Variants in COA8 observed in about 807,000 individuals in gnomAD.
COA8 encodes cytochrome c oxidase assembly factor 8.
COA8 carries 20 observed loss-of-function variants against 22.0 expected under a neutral mutation model. The observed-to-expected ratio is 0.91, with a 90% CI of 0.64 to 1.32. The LOEUF (loss-of-function observed/expected upper bound fraction) is 1.32. COA8 is among the 40% of genes most tolerant of loss of function. The pLI is 0.00. For synonymous variants in COA8, 105 were observed against 79.9 expected (o/e 1.31, Z -1.68); for missense variants, 266 against 230.0 (o/e 1.16, Z -1.01).
In COA8 at chr14:103,574,078, C is replaced by CTTTT. The variant is rs11337243; in HGVS notation, c.322-7_322-4dup. The CTTTT allele has an allele frequency of 3.0e-3, 3,060 of 1,010,360 alleles. 4 individuals are homozygous for CTTTT. The highest frequency in any genetic ancestry group is 4.8e-3 in the Middle Eastern group (12 of 2,512). 62.6% of individuals were successfully genotyped at this position (1,010,360 alleles called of 1,614,324 possible). On this transcript the variant is annotated intron_variant, in intron 2 of 4. Transcript: ENST00000409074. ...AGACAGAGAAAGGAGTTCTGAGAGC[C>CTTTT]TTTTTTTTTTTTTTTTTTTTTTTTT...
intron 1 of COA8, 131 bp downstream of exon 1, chr14:103,563,255 C>T (rs1436425052): frequency 3.2e-6 from 4 of 1,246,324 alleles, no homozygotes; most frequent in East Asian, 5.1e-5. Context: ...CGTCCTATCC[C>T]GAACAGTCCC....
At chr14:103,563,152 C>G in intron 1 of COA8, 28 bp downstream of exon 1, 1 of 1,539,514 alleles carries the variant, frequency 6.5e-7, no homozygotes, top group Non-Finnish European at 8.7e-7. Context: ...GACATTGGGC[C>G]GGGAGGGGTG....
At chr14:103,563,455 G>A (rs2296483) in intron 1 of COA8, 248,069 of 435,252 alleles carry the variant, frequency 0.57, 72,796 homozygotes, top group Non-Finnish European at 0.63. Flanking sequence ...CTTACCGTGC[G>A]TTTTTTTTCG....
At chr14:103,571,506 C>A in intron 1 of COA8, 117 bp from the exon 2 acceptor site, 2 of 1,032,970 alleles carry the variant, frequency 1.9e-6, no homozygotes, top group Non-Finnish European at 2.8e-6. Context: ...CCACTACACT[C>A]CAGTCTGGCA....
intron 3 of COA8, among the ~76,000 whole-genome samples, chr14:103,583,788 G>A (rs1456916777): frequency 1.3e-5 from 2 of 152,138 alleles, no homozygotes; most frequent in African/African-American, 2.4e-5. Context: ...ATCCTTTGCC[G>A]GTTGCCAGTC....
At chr14:103,564,813 T>C (rs2076124346) in intron 1 of COA8, among the ~76,000 whole-genome samples, 2 of 152,080 alleles carry the variant, frequency 1.3e-5, no homozygotes, top group Admixed American at 6.6e-5. Flanking sequence ...ACTCCTGACC[T>C]CAAGTGATGC....
chr14:103,588,939 G>A (rs2076330800), intron 4 of COA8, among the ~76,000 whole-genome samples: 1 of 152,212 alleles, frequency 6.6e-6, no homozygotes, highest in Admixed American at 6.5e-5. Flanking sequence ...CCATTTCTAA[G>A]GTTGTCATGT....
At chr14:103,574,466 A>C in intron 3 of COA8, 1 of 564,452 alleles carries the variant, frequency 1.8e-6, no homozygotes, top group Non-Finnish European at 3.4e-6. Flanking sequence ...TCTCCCTCCA[A>C]AGCAGCTTTT....
chr14:103,568,023 G>A (rs2076147671), intron 1 of COA8, among the ~76,000 whole-genome samples: 1 of 152,112 alleles, frequency 6.6e-6, no homozygotes, highest in African/African-American at 2.4e-5. Flanking sequence ...GTAGAATAGG[G>A]GGCTGGGGAC....
chr14:103,567,441 T>G (rs1484824803), intron 1 of COA8: 2 of 152,006 alleles, frequency 1.3e-5, no homozygotes, highest in Non-Finnish European at 2.9e-5. Flanking sequence ...CCAATGAGAT[T>G]TATCTGAGGT....
chr14:103,573,424 G>T lies in COA8; in HGVS notation c.322-683G>T, dbSNP rs141673086. The stretch of plus-strand genomic sequence containing the variant: ...ACCTTCAGGTGATTCGCCTGCCTTG[G>T]CCTCCCAAAGTGCTGGGATTACAGG... On this transcript the variant is annotated intron_variant, in intron 2 of 4. Coordinates refer to ENST00000409074, the MANE Select transcript of COA8 (RefSeq NM_001370595.2). 6.9e-3 allele frequency among the ~76,000 whole-genome samples: 1,057 copies of T among 152,156 alleles called. 15 individuals carry two copies. Among genetic ancestry groups the T allele is most frequent in the African/African-American group, 0.024 (1,003 of 41,524 alleles).
In COA8 at chr14:103,573,315, G is replaced by A. The variant is rs55967910; in HGVS notation, c.322-792G>A. On this transcript the variant is annotated intron_variant, in intron 2 of 4. Coordinates refer to ENST00000409074, the MANE Select transcript of COA8 (RefSeq NM_001370595.2). ...CTCCCAAGTAGCTGGGATTACAGGC[G>A]CCCGCCACCACACCCGGCTAATTTT... is the stretch of plus-strand genomic sequence containing the variant. Among the ~76,000 whole-genome samples the A allele has an allele frequency of 9.0e-3, 1,361 of 151,606 alleles. 24 individuals carry two copies. Among genetic ancestry groups the A allele is most frequent in the African/African-American group, 0.032 (1,314 of 41,340 alleles).
At chr14:103,576,977 A>G (rs1174970092) in intron 3 of COA8, among the ~76,000 whole-genome samples, 1 of 152,240 alleles carries the variant, frequency 6.6e-6, no homozygotes, top group East Asian at 1.9e-4. Context: ...ACTTCAGGAA[A>G]AGCTGCCACA....
chr14:103,586,028 G>C (rs867622545), intron 3 of COA8, among the ~76,000 whole-genome samples: 1 of 151,502 alleles, frequency 6.6e-6, no homozygotes, highest in African/African-American at 2.4e-5. Flanking sequence ...AGCCTCCTGA[G>C]TAGCTGGGAT....
chr14:103,584,022 C>T (rs2076287800), intron 3 of COA8, among the ~76,000 whole-genome samples: 1 of 152,184 alleles, frequency 6.6e-6, no homozygotes, highest in African/African-American at 2.4e-5. Context: ...GGCATGCCAT[C>T]CTCCCAGCAC....
At chr14:103,576,293 G>C (rs138603598) in intron 3 of COA8, among the ~76,000 whole-genome samples, 2,946 of 152,058 alleles carry the variant, frequency 0.019, 95 homozygotes, top group African/African-American at 0.066. Context: ...GTGACAGAGC[G>C]AGACTCTGTC....
chr14:103,576,048 C>G (rs1218971559), intron 3 of COA8, among the ~76,000 whole-genome samples: 1 of 151,824 alleles, frequency 6.6e-6, no homozygotes, highest in Non-Finnish European at 1.5e-5. Context: ...TGGTTCACGC[C>G]TGTAATCCCA....
At chr14:103,576,271 A>C (rs1031824769) in intron 3 of COA8, among the ~76,000 whole-genome samples, 1 of 152,104 alleles carries the variant, frequency 6.6e-6, no homozygotes, top group African/African-American at 2.4e-5. Flanking sequence ...GCGCCACTGC[A>C]CTCCAGCCTG....
intron 3 of COA8, among the ~76,000 whole-genome samples, chr14:103,577,850 C>T (rs1410345635): frequency 6.6e-6 from 1 of 151,894 alleles, no homozygotes; most frequent in East Asian, 1.9e-4. Context: ...CATGAAGAAA[C>T]TCCATCTCTA....
Sources: gnomAD v4.1 joint callset for allele counts (sites outside exome capture counted in the v4.1 genomes callset) on GRCh38, gnomAD v4.1.1 for gene constraint, MANE v1.5 for transcripts, NCBI Gene and HGNC (gene_info 2026-07-23, HGNC 2026-07-21) for gene names.